DNAJB4: variants seen among roughly 807,000 people sequenced by gnomAD.
DNAJB4 encodes the protein dnaJ homolog subfamily B member 4.
A neutral mutation model predicts 26.6 loss-of-function variants in DNAJB4; 10 were observed. The observed-to-expected ratio is 0.38, with a 90% CI of 0.23 to 0.64. The LOEUF is 0.64. Among genes scored for constraint, DNAJB4 ranks in the 30% least tolerant of loss-of-function variants. DNAJB4 has a pLI of 0.58. For missense variants in DNAJB4, 328 were observed against 408.2 expected (o/e 0.80, Z 1.69); for synonymous variants, 136 against 134.8 (o/e 1.01, Z -0.06).
At position 77,996,614 on chromosome 1, in the gene DNAJB4, CAA is replaced by C. The variant is rs1177250404; in HGVS notation, c.-31-8460_-31-8459del. On this transcript the variant is annotated intron_variant, in intron 1 of 2. Transcript: ENST00000426517. ...AAATCTTGTTTTAAAGACCACTAGA[CAA>C]AAAAATTAAATGTATATATTATAGT... 3.3e-5 allele frequency among the ~76,000 whole-genome samples: 5 copies of C among 151,656 alleles called. No homozygotes were observed. The East Asian group carries it at 9.6e-4, about 29-fold the overall frequency.
intron 1 of DNAJB4, among the ~76,000 whole-genome samples, chr1:77,996,268 C>T (rs1014945978): frequency 1.6e-4 from 24 of 152,114 alleles, no homozygotes; most frequent in African/African-American, 5.8e-4. Context: ...ATCCCCCTGC[C>T]TGAGCCTCCT....
upstream of DNAJB4, among the ~76,000 whole-genome samples, chr1:78,004,103 T>G (rs996718358): frequency 5.3e-5 from 8 of 152,218 alleles, no homozygotes; most frequent in Non-Finnish European, 1.2e-4. Context: ...CATGAGTATG[T>G]ACTGTCTGTA....
chr1:77,993,726 AT>A (rs1448226739), intron 1 of DNAJB4, among the ~76,000 whole-genome samples: 1 of 152,220 alleles, frequency 6.6e-6, no homozygotes, highest in African/African-American at 2.4e-5. Flanking sequence ...TTGGCTTGAT[AT>A]GCTGATTTGA....
chr1:77,997,093 G>T (rs1036864471), intron 1 of DNAJB4, among the ~76,000 whole-genome samples: 11 of 152,270 alleles, frequency 7.2e-5, no homozygotes, highest in African/African-American at 2.4e-4. Flanking sequence ...CTTAAGAAAT[G>T]AAGCAACCTC....
intron 1 of DNAJB4, among the ~76,000 whole-genome samples, chr1:77,990,894 A>G (rs1376727154): frequency 6.6e-6 from 1 of 152,244 alleles, no homozygotes; most frequent in African/African-American, 2.4e-5. Context: ...AAGTTTATTG[A>G]ACAGCAATAT....
Position 78,017,940 on chromosome 1 carries a change from C to A in DNAJB4, c.*1693C>A, listed in dbSNP as rs1176504071. 1 of 151,750 alleles carries A rather than the reference C, an allele frequency of 6.6e-6. No individual in the cohort carries two copies. Among genetic ancestry groups the A allele is most frequent in the Non-Finnish European group, 1.5e-5 (1 of 67,942 alleles). 9.4% of individuals were successfully genotyped at this position (151,750 alleles called of 1,614,324 possible). The stretch of plus-strand genomic sequence containing the variant: ...ATTTGGCTTATTTCTACTTTTTTGG[C>A]TATTATAAATAATGCTGCTGTGAAC... On this transcript the variant is annotated 3_prime_UTR_variant, in exon 3 of 3. Transcript: ENST00000370763.
chr1:77,994,611 T>G (rs1660018272), intron 1 of DNAJB4, among the ~76,000 whole-genome samples: 4 of 151,656 alleles, frequency 2.6e-5, no homozygotes. Context: ...CTACTCTCAT[T>G]TTTCTAATGA....
At chr1:77,983,872 A>T (rs1363550280) in intron 1 of DNAJB4, among the ~76,000 whole-genome samples, 1 of 152,204 alleles carries the variant, frequency 6.6e-6, no homozygotes, top group Non-Finnish European at 1.5e-5. Flanking sequence ...CTTGAGAACC[A>T]CTGAAATACA....
At chr1:77,997,677 C>T (rs1660095076) in intron 1 of DNAJB4, among the ~76,000 whole-genome samples, 1 of 152,232 alleles carries the variant, frequency 6.6e-6, no homozygotes, top group East Asian at 1.9e-4. Flanking sequence ...CAAATTCTCC[C>T]TTTCTCTGTC....
At chr1:77,991,190 A>G (rs1277869207) in intron 1 of DNAJB4, among the ~76,000 whole-genome samples, 1 of 152,154 alleles carries the variant, frequency 6.6e-6, no homozygotes, top group African/African-American at 2.4e-5. Flanking sequence ...ATATATAACA[A>G]ATATCCCTTC....
chr1:78,010,451 G>A (rs1343579992), intron 1 of DNAJB4, among the ~76,000 whole-genome samples: 1 of 151,654 alleles, frequency 6.6e-6, no homozygotes, highest in African/African-American at 2.4e-5. Context: ...ATTTATAAAA[G>A]GGAAATTTGG....
At chr1:78,008,984 T>C (rs1344084611) in intron 1 of DNAJB4, among the ~76,000 whole-genome samples, 1 of 152,130 alleles carries the variant, frequency 6.6e-6, no homozygotes, top group East Asian at 1.9e-4. Flanking sequence ...TATTTTGTTA[T>C]TGCATATGAT....
chr1:78,014,910 C>G (rs377623369), intron 2 of DNAJB4, among the ~76,000 whole-genome samples: 2 of 152,066 alleles, frequency 1.3e-5, no homozygotes. Context: ...CCAGTTTGCT[C>G]TATTATTATC....
At chr1:77,986,045 G>C (rs1659782854) in intron 1 of DNAJB4, among the ~76,000 whole-genome samples, 1 of 152,144 alleles carries the variant, frequency 6.6e-6, no homozygotes, top group South Asian at 2.1e-4. Context: ...TGAATGATCA[G>C]ATAGATCATT....
At chr1:77,980,755 G>A (rs34128192) in intron 1 of DNAJB4, among the ~76,000 whole-genome samples, 7,250 of 152,242 alleles carry the variant, frequency 0.048, 229 homozygotes, top group East Asian at 0.11. Flanking sequence ...CAAAATAGCA[G>A]TTAATATGAA....
chr1:78,002,989 T>A (rs373813118), upstream of DNAJB4, among the ~76,000 whole-genome samples: 1 of 152,154 alleles, frequency 6.6e-6, no homozygotes, highest in South Asian at 2.1e-4. Context: ...TTTGATAATA[T>A]TCCTAGCTCT....
rs1439976581 is a variant in DNAJB4 at position 78,013,284 on chromosome 1, G to T, written c.445G>T (p.Val149Leu). 3.5e-5 allele frequency: 57 copies of T among 1,614,096 alleles called. No individual in the cohort carries two copies. The highest frequency in any genetic ancestry group is 4.7e-5 in the Non-Finnish European group (55 of 1,179,966). Residue 149 changes from valine to leucine, a missense_variant, in exon 2 of 3, where the codon GTG becomes TTG. Coordinates refer to ENST00000370763, the MANE Select transcript of DNAJB4 (RefSeq NM_007034.5). ...MNGYPRDRNS[V>L]GPSRLKQDPP... ...TGGATATCCAAGAGACAGGAATTCT[G>T]TGGGGCCATCCCGCCTCAAACAAGA... is the stretch of plus-strand genomic sequence containing the variant.
At chr1:77,987,570 T>C (rs1659822707) in intron 1 of DNAJB4, among the ~76,000 whole-genome samples, 1 of 152,174 alleles carries the variant, frequency 6.6e-6, no homozygotes, top group Non-Finnish European at 1.5e-5. Flanking sequence ...TGCATCTTTA[T>C]TTTATATGTC....
At chr1:78,007,313 G>A (rs1189296462) in intron 1 of DNAJB4, among the ~76,000 whole-genome samples, 2 of 152,130 alleles carry the variant, frequency 1.3e-5, no homozygotes, top group Non-Finnish European at 2.9e-5. Context: ...CAGGCGCCGT[G>A]GCTCATGCCT....
Sources: gnomAD v4.1 joint callset for allele counts (sites outside exome capture counted in the v4.1 genomes callset) on GRCh38, gnomAD v4.1.1 for gene constraint, MANE v1.5 for transcripts, NCBI Gene and HGNC (gene_info 2026-07-23, HGNC 2026-07-21) for gene names.